The following PCSK6 variants were observed in gnomAD, a reference collection of about 807,000 sequenced individuals.
PCSK6 encodes paired basic amino acid cleaving enzyme 4.
A neutral mutation model predicts 123.3 loss-of-function variants in PCSK6; 85 were observed. The observed-to-expected ratio is 0.69, with a 90% CI of 0.58 to 0.83. PCSK6 has a LOEUF of 0.83. PCSK6 is among the 40% of genes least tolerant of loss of function. PCSK6 has a pLI of 0.00. For missense variants in PCSK6, 1,191 were observed against 1,282.3 expected (o/e 0.93, Z 1.09); for synonymous variants, 508 against 516.0 (o/e 0.98, Z 0.21).
Position 101,489,591 on chromosome 15 carries a change from G to C in PCSK6, c.80C>G (p.Ala27Gly). Residue 27 changes from alanine (A) to glycine (G), a missense_variant, in exon 1 of 22, where the codon GCG (alanine) becomes GGG (glycine). By Grantham distance (60) the Ala-to-Gly change is moderately conservative. Transcript: ENST00000611716. ...AAAATDTAAGAGGAGGAGGAG... is the reference protein window; with the variant it reads ...AAAATDTAAGGGGAGGAGGAG... Reference sequence around the variant, plus strand: ...GCCCCCCGCGCCCCCCGCGCCCCCCGCGCCCGCGGCGGTGTCGGTGGCGGC... The same window carrying C: ...GCCCCCCGCGCCCCCCGCGCCCCCCCCGCCCGCGGCGGTGTCGGTGGCGGC... 2.1e-6 allele frequency: 2 copies of C among 975,548 alleles called. No individual in the cohort carries two copies. Among genetic ancestry groups the C allele is most frequent in the Non-Finnish European group, 2.4e-6 (2 of 825,408 alleles). The allele number at this position is 975,548 out of a possible 1,614,324, so 60.4% of individuals were successfully genotyped here.
At position 101,487,515 on chromosome 15, in the gene PCSK6, C is replaced by T. The variant is rs980967436; in HGVS notation, c.297+1859G>A. Among the ~76,000 whole-genome samples, 22 of 151,966 alleles carry T rather than the reference C, an allele frequency of 1.4e-4. 1 individual carries two copies. The highest frequency in any genetic ancestry group is 5.1e-4 in the African/African-American group (21 of 41,268). ...GGCCAAGGGTTAGGCATTTTTATTC[C>T]CACAGATAGAAATTTCCGGGGAGAG... On this transcript the variant is annotated intron_variant, in intron 1 of 21. Coordinates refer to ENST00000611716, the MANE Select transcript of PCSK6 (RefSeq NM_002570.5).
chr15:101,422,219 A>C (rs1278566855), intron 6 of PCSK6, among the ~76,000 whole-genome samples: 1 of 152,224 alleles, frequency 6.6e-6, no homozygotes, highest in East Asian at 1.9e-4. Context: ...AGCTGCTGGA[A>C]ATTGAGAGGA....
At position 101,484,275 on chromosome 15, in the gene PCSK6, T is replaced by C. The variant is rs376585706; in HGVS notation, c.297+5099A>G. On this transcript the variant is annotated intron_variant, in intron 1 of 21. Coordinates refer to ENST00000611716, the MANE Select transcript of PCSK6 (RefSeq NM_002570.5). ...CCCCTCCCTCCCTTCTTGGAGGTCA[T>C]TGCTAACTAGAATTTGATGCAGATC... 2.0e-3 allele frequency among the ~76,000 whole-genome samples: 299 copies of C among 152,356 alleles called. 1 individual carries two copies. The highest frequency in any genetic ancestry group is 4.4e-3 in the African/African-American group (182 of 41,592).
intron 10 of PCSK6, 107 bp from the exon 11 acceptor site, chr15:101,382,316 G>C (rs759202028): frequency 1.3e-5 from 11 of 854,524 alleles, no homozygotes; most frequent in South Asian, 5.1e-5. Context: ...GGGACCGTAA[G>C]ACTCGAGGTC....
At chr15:101,417,337 C>T (rs1325800006) in intron 6 of PCSK6, among the ~76,000 whole-genome samples, 1 of 152,136 alleles carries the variant, frequency 6.6e-6, no homozygotes, top group Non-Finnish European at 1.5e-5. Context: ...TGAAAACGGA[C>T]TAATGCAAAC....
At chr15:101,334,607 TGCACTGAGATTGGCTGG>T (rs1402230857) in intron 13 of PCSK6, 2 of 152,302 alleles carry the variant, frequency 1.3e-5, no homozygotes, top group Admixed American at 6.5e-5. Context: ...CACCAAGTGG[TGCACTGAGATTGGCTGG>T]GGTTGTGATG....
chr15:101,401,375 C>G (rs931631577), intron 6 of PCSK6, among the ~76,000 whole-genome samples: 1 of 152,224 alleles, frequency 6.6e-6, no homozygotes, highest in Middle Eastern at 3.2e-3. Context: ...ACCTGTTTCC[C>G]TTCCTCTCTT....
intron 1 of PCSK6, among the ~76,000 whole-genome samples, chr15:101,450,903 G>A (rs1331221695): frequency 6.6e-6 from 1 of 152,062 alleles, no homozygotes; most frequent in Non-Finnish European, 1.5e-5. Flanking sequence ...GCAAGGCCTG[G>A]CCGGGCACTC....
At chr15:101,332,407 C>T (rs866739960) in intron 13 of PCSK6, among the ~76,000 whole-genome samples, 29 of 152,332 alleles carry the variant, frequency 1.9e-4, no homozygotes, top group Middle Eastern at 3.4e-3. Flanking sequence ...GCCACCTTCC[C>T]GTCTTGGGAT....
intron 11 of PCSK6, among the ~76,000 whole-genome samples, chr15:101,374,993 C>T (rs1367285581): frequency 1.3e-5 from 2 of 151,460 alleles, no homozygotes; most frequent in African/African-American, 2.4e-5. Context: ...TCACTCTGTC[C>T]GCAGGCTGGA....
chr15:101,430,976 C>T (rs1415700144), intron 4 of PCSK6, among the ~76,000 whole-genome samples: 1 of 152,210 alleles, frequency 6.6e-6, no homozygotes, highest in Non-Finnish European at 1.5e-5. Flanking sequence ...GCACTCTGGG[C>T]CTAGAGCCCG....
At chr15:101,391,228 G>A (rs542363205) in intron 8 of PCSK6, among the ~76,000 whole-genome samples, 1 of 152,328 alleles carries the variant, frequency 6.6e-6, no homozygotes, top group East Asian at 1.9e-4. Flanking sequence ...ATATGCAAAT[G>A]GACACCATGA....
chr15:101,476,552 C>A (rs2057734937), intron 1 of PCSK6, among the ~76,000 whole-genome samples: 4 of 143,648 alleles, frequency 2.8e-5, no homozygotes, highest in Non-Finnish European at 4.5e-5. Flanking sequence ...TAGTGTGATT[C>A]CATTTATATT....
chr15:101,352,927 T>C (rs765034664), intron 13 of PCSK6, among the ~76,000 whole-genome samples: 2 of 152,198 alleles, frequency 1.3e-5, no homozygotes, highest in Non-Finnish European at 2.9e-5. Flanking sequence ...CAAGTACCTA[T>C]TGCATTTCAA....
At chr15:101,381,054 C>CTT (rs113469572) in intron 11 of PCSK6, among the ~76,000 whole-genome samples, 22 of 145,810 alleles carry the variant, frequency 1.5e-4, no homozygotes, top group Middle Eastern at 3.5e-3. Flanking sequence ...TTTATGGCTG[C>CTT]TTTTTTTTTT....
At chr15:101,483,540 A>G (rs2057943533) in intron 1 of PCSK6, among the ~76,000 whole-genome samples, 1 of 152,218 alleles carries the variant, frequency 6.6e-6, no homozygotes, top group South Asian at 2.1e-4. Flanking sequence ...ACCCAAGGGA[A>G]AGCATGGCAT....
intron 13 of PCSK6, among the ~76,000 whole-genome samples, chr15:101,350,918 T>C (rs1370736525): frequency 2.0e-5 from 3 of 152,270 alleles, no homozygotes; most frequent in African/African-American, 4.8e-5. Flanking sequence ...TGTGAGCTGG[T>C]TGTTAAACAC....
chr15:101,421,154 C>T (rs1458243465), intron 6 of PCSK6, among the ~76,000 whole-genome samples: 1 of 152,138 alleles, frequency 6.6e-6, no homozygotes, highest in African/African-American at 2.4e-5. Context: ...ACCATGTTGG[C>T]AGGCTGTTCG....
At chr15:101,330,821 T>C (rs1057304154) in intron 15 of PCSK6, among the ~76,000 whole-genome samples, 1 of 152,222 alleles carries the variant, frequency 6.6e-6, no homozygotes, top group African/African-American at 2.4e-5. Flanking sequence ...CAGAGCAGAT[T>C]AGTCCATACA....
Sources: gnomAD v4.1 joint callset for allele counts (sites outside exome capture counted in the v4.1 genomes callset) on GRCh38, gnomAD v4.1.1 for gene constraint, MANE v1.5 for transcripts, NCBI Gene and HGNC (gene_info 2026-07-23, HGNC 2026-07-21) for gene names.